KDM1B: variants seen among roughly 807,000 people sequenced by gnomAD.
The protein encoded by KDM1B is lysine-specific histone demethylase 2.
A neutral mutation model predicts 107.4 loss-of-function variants in KDM1B; 63 were observed. The ratio of observed to expected loss-of-function variants is 0.59; its 90% confidence interval spans 0.48 to 0.72. The LOEUF is 0.72. KDM1B is among the 30% of genes least tolerant of loss of function. The pLI is 0.00. For synonymous variants in KDM1B, 363 were observed against 363.9 expected (o/e 1.00, Z 0.03); for missense variants, 749 against 1,020.8 (o/e 0.73, Z 3.63).
At position 18,217,872 on chromosome 6, in the gene KDM1B, T is replaced by G; in HGVS notation, c.2372T>G (p.Phe791Cys). 2 of 1,611,616 alleles carry G rather than the reference T, an allele frequency of 1.2e-6. No individual in the cohort carries two copies. Among genetic ancestry groups the G allele is most frequent in the Non-Finnish European group, 1.7e-6 (2 of 1,179,392 alleles). Residue 791 changes from phenylalanine (F) to cysteine (C), a missense_variant, in exon 21 of 22, where the codon TTT (phenylalanine) becomes TGT (cysteine). Physicochemically the swap from Phe to Cys is radical, Grantham distance 205 (BLOSUM62 -2). Transcript: ENST00000650836. Reference sequence around the variant, plus strand: ...GCTGAAGACATTCAAGGAACCGTCTTTTTCGCTGGTGAGGTATGGATCTTG... The same window carrying G: ...GCTGAAGACATTCAAGGAACCGTCTGTTTCGCTGGTGAGGTATGGATCTTG... ...IIAEDIQGTV[F>C]FAGEATNRHF... is the part of the protein sequence containing the mutation.
intron 2 of KDM1B, among the ~76,000 whole-genome samples, chr6:18,156,518 G>C (rs147793732): frequency 3.9e-5 from 6 of 152,228 alleles, no homozygotes; most frequent in South Asian, 4.1e-4. Context: ...GGGAGAGAAG[G>C]CTTCTTCAGG....
intron 7 of KDM1B, among the ~76,000 whole-genome samples, chr6:18,183,242 G>A (rs1048726393): frequency 7.4e-6 from 1 of 135,690 alleles, no homozygotes; most frequent in Non-Finnish European, 1.6e-5. Context: ...GGTAAACAAT[G>A]TCCTGAATTT....
rs1345681689 is a variant in KDM1B at position 18,163,427 on chromosome 6, G to T, written c.305+503G>T. Among the ~76,000 whole-genome samples the T allele has an allele frequency of 7.2e-5, 11 of 152,104 alleles. No individual in the cohort carries two copies. The East Asian group carries it at 9.6e-4, about 13-fold the overall frequency. Reference sequence around the variant, plus strand: ...ATGTTGATTCTATTTTATTGTTTTCGATTTCATTTGTGCTCTAATTTTTAT... The same window carrying T: ...ATGTTGATTCTATTTTATTGTTTTCTATTTCATTTGTGCTCTAATTTTTAT... On this transcript the variant is annotated intron_variant, in intron 5 of 21. Transcript: ENST00000650836.
intron 2 of KDM1B, among the ~76,000 whole-genome samples, chr6:18,157,330 AT>A (rs1784685346): frequency 6.6e-6 from 1 of 152,222 alleles, no homozygotes; most frequent in African/African-American, 2.4e-5. Context: ...CCTCGATAAG[AT>A]TTAATAATGG....
At chr6:18,221,807 A>G (rs889839889) in intron 21 of KDM1B, 102 bp from the exon 22 acceptor site, 2 of 941,772 alleles carry the variant, frequency 2.1e-6, no homozygotes, top group Non-Finnish European at 3.3e-6. Context: ...CAGGAGTGGC[A>G]CAAATCTTTA....
At chr6:18,179,445 A>T (rs1323980969) in intron 7 of KDM1B, among the ~76,000 whole-genome samples, 2 of 152,080 alleles carry the variant, frequency 1.3e-5, no homozygotes, top group African/African-American at 4.8e-5. Context: ...TTTGTTGTAT[A>T]GGTTTGATAT....
At chr6:18,181,791 A>G (rs1786495746) in intron 7 of KDM1B, among the ~76,000 whole-genome samples, 1 of 152,012 alleles carries the variant, frequency 6.6e-6, no homozygotes, top group African/African-American at 2.4e-5. Flanking sequence ...TTGAAAAAAT[A>G]AAAAAAACAA....
At chr6:18,166,532 A>G (rs1234139278) in intron 6 of KDM1B, among the ~76,000 whole-genome samples, 154 bp downstream of exon 6, 4 of 152,182 alleles carry the variant, frequency 2.6e-5, no homozygotes, top group Non-Finnish European at 4.4e-5. Context: ...GAAAGCTGAG[A>G]TATTTCAACA....
intron 12 of KDM1B, among the ~76,000 whole-genome samples, chr6:18,199,327 GC>G (rs1195135445): frequency 3.3e-5 from 5 of 152,228 alleles, no homozygotes; most frequent in African/African-American, 1.2e-4. Context: ...ATTCCTTTCC[GC>G]CCCATCCCCA....
intron 6 of KDM1B, 107 bp from the exon 7 acceptor site, chr6:18,171,256 A>T (rs1785645633): frequency 1.4e-6 from 1 of 740,184 alleles, no homozygotes; most frequent in East Asian, 2.5e-5. Context: ...GAGAAAAAAT[A>T]CTTAGGATTG....
intron 15 of KDM1B, among the ~76,000 whole-genome samples, chr6:18,206,483 C>T (rs1378046209): frequency 3.3e-5 from 5 of 152,184 alleles, no homozygotes; most frequent in Admixed American, 6.5e-5. Context: ...TGCTACCACA[C>T]TGCTGCCTGG....
chr6:18,185,254 C>T (rs191846802), intron 7 of KDM1B, among the ~76,000 whole-genome samples: 107 of 151,598 alleles, frequency 7.1e-4, no homozygotes, highest in African/African-American at 2.4e-3. Flanking sequence ...CCTTTATTTT[C>T]CACCAGGAAC....
rs752072581 is a variant in KDM1B, at chr6:18,201,348, G to A, written c.1360-138G>A. On this transcript the variant is annotated intron_variant, in intron 13 of 21. Transcript: ENST00000650836. This position sits in a 1 kb window ranked among gnomAD's most constrained non-coding sequence, Gnocchi z 4.3. ...CTGCCTGACTTTGCTGCCATTCCCC[G>A]TGAAGCATATTTAGCTTTATTTTTG... 43 of 620,542 alleles carry A rather than the reference G, an allele frequency of 6.9e-5. No homozygotes were observed. Among genetic ancestry groups the A allele is most frequent in the African/African-American group, 1.3e-4 (7 of 53,972 alleles). The allele number at this position is 620,542 out of a possible 1,614,324, so 38.4% of individuals were successfully genotyped here.
chr6:18,188,932 T>C (rs1207044), intron 9 of KDM1B, among the ~76,000 whole-genome samples: 15,913 of 151,998 alleles, frequency 0.1, 918 homozygotes, highest in South Asian at 0.22. Flanking sequence ...TACAAGCGCA[T>C]GCTACCACAC....
chr6:18,162,359 G>A lies in KDM1B; in HGVS notation c.216-476G>A, dbSNP rs1025577144. On this transcript the variant is annotated intron_variant, in intron 4 of 21. Coordinates refer to ENST00000650836, the MANE Select transcript of KDM1B (RefSeq NM_001364614.2). This position sits in a 1 kb window ranked among gnomAD's most constrained non-coding sequence, Gnocchi z 4.1. ...AAATATTAAAAATAAACACAAAGAC[G>A]TGGTGATCGTGTTCATAGTGGCATG... 6.6e-6 allele frequency among the ~76,000 whole-genome samples: 1 copy of A among 152,022 alleles called. No homozygotes were observed. The highest frequency in any genetic ancestry group is 2.4e-5 in the African/African-American group (1 of 41,378).
intron 2 of KDM1B, among the ~76,000 whole-genome samples, chr6:18,157,178 A>T (rs1024640209): frequency 2.0e-5 from 3 of 152,320 alleles, no homozygotes; most frequent in African/African-American, 7.2e-5. Context: ...ACATTTTAGT[A>T]TACTAAAAAT....
chr6:18,207,359 A>G (rs1788452419), intron 15 of KDM1B, 39 bp from the exon 16 acceptor site: 1 of 1,609,664 alleles, frequency 6.2e-7, no homozygotes, highest in Non-Finnish European at 8.5e-7. Context: ...AGGCACAAGG[A>G]TTTACACTGC....
intron 5 of KDM1B, among the ~76,000 whole-genome samples, chr6:18,164,603 A>G (rs1480870887): frequency 6.6e-6 from 1 of 152,002 alleles, no homozygotes; most frequent in South Asian, 2.1e-4. Flanking sequence ...AGCATGATAC[A>G]CCTTTCTTTG....
chr6:18,162,972 CA>C lies in KDM1B; in HGVS notation c.305+49del, dbSNP rs1208094179. On this transcript the variant is annotated intron_variant, in intron 5 of 21. Transcript: ENST00000650836. The surrounding 1 kb of genome is among the most constrained non-coding windows in gnomAD (Gnocchi z 4.1). ...GTTTCCCTGGAGAAGGGGACCGTGG[CA>C]GGGGCAGTGCGTGTGGTCAGCTGAT... The C allele has an allele frequency of 1.7e-6, 2 of 1,144,958 alleles. No individual in the cohort carries two copies. Among genetic ancestry groups the C allele is most frequent in the Non-Finnish European group, 2.7e-6 (2 of 751,876 alleles). The allele number at this position is 1,144,958 out of a possible 1,614,324, so 70.9% of individuals were successfully genotyped here.
Sources: allele counts gnomAD v4.1 joint callset (sites outside exome capture counted in the v4.1 genomes callset), GRCh38; gene constraint gnomAD v4.1.1; non-coding constraint Gnocchi (gnomAD v3.1); transcripts MANE v1.5; gene names NCBI Gene and HGNC (gene_info 2026-07-23, HGNC 2026-07-21).